Variants in ERBB4 observed in about 807,000 individuals in gnomAD.
ERBB4 encodes receptor tyrosine-protein kinase erbB-4.
ERBB4 carries 42 observed loss-of-function variants against 158.0 expected under a neutral mutation model. The observed-to-expected ratio is 0.27, with a 90% CI of 0.21 to 0.34. The LOEUF is 0.34. Among genes scored for constraint, ERBB4 ranks in the 10% least tolerant of loss-of-function variants. ERBB4 has a pLI of 1.00. For synonymous variants in ERBB4, 583 were observed against 558.7 expected (o/e 1.04, Z -0.61); for missense variants, 1,333 against 1,624.1 (o/e 0.82, Z 3.08).
chr2:211,494,209 C>T (rs2065413916), intron 20 of ERBB4, among the ~76,000 whole-genome samples: 3 of 152,040 alleles, frequency 2.0e-5, no homozygotes, highest in Admixed American at 6.6e-5. Context: ...CACCATATTG[C>T]CCAGGATGGT....
intron 1 of ERBB4, among the ~76,000 whole-genome samples, chr2:212,462,997 A>T (rs781416512): frequency 4.6e-5 from 7 of 152,164 alleles, no homozygotes; most frequent in Non-Finnish European, 1.0e-4. Context: ...TAAATAAGCT[A>T]GGCACACACA....
intron 1 of ERBB4, among the ~76,000 whole-genome samples, chr2:212,296,111 T>C (rs2086401510): frequency 6.6e-6 from 1 of 151,988 alleles, no homozygotes; most frequent in South Asian, 2.1e-4. Flanking sequence ...CATTGAGCAT[T>C]CGATAGGTGA....
chr2:212,270,467 G>C (rs933520481), intron 1 of ERBB4, among the ~76,000 whole-genome samples: 1 of 151,490 alleles, frequency 6.6e-6, no homozygotes, highest in Non-Finnish European at 1.5e-5. Flanking sequence ...TCCTCCCATC[G>C]TTTATTTTCT....
intron 20 of ERBB4, among the ~76,000 whole-genome samples, chr2:211,524,663 T>G (rs1049252713): frequency 6.8e-6 from 1 of 147,592 alleles, no homozygotes; most frequent in Non-Finnish European, 1.5e-5. Context: ...GGCCGCCGGC[T>G]GCTCCGAGTG....
intron 1 of ERBB4, among the ~76,000 whole-genome samples, chr2:212,482,380 T>G (rs1482378): frequency 0.17 from 26,588 of 152,108 alleles, 4,503 homozygotes; most frequent in African/African-American, 0.45. Context: ...ATGTGGTATA[T>G]CAATCAGCCA....
chr2:211,424,787 ACT>A (rs66848364), intron 22 of ERBB4, among the ~76,000 whole-genome samples: 1 of 151,962 alleles, frequency 6.6e-6, no homozygotes, highest in African/African-American at 2.4e-5. Flanking sequence ...AAGAATTGTG[ACT>A]CTCTCTAACT....
intron 21 of ERBB4, among the ~76,000 whole-genome samples, chr2:211,428,852 G>C (rs1266866782): frequency 2.0e-5 from 3 of 151,926 alleles, no homozygotes; most frequent in African/African-American, 7.3e-5. Flanking sequence ...GAGTAGCCGG[G>C]ACCACAGGGG....
intron 4 of ERBB4, chr2:211,779,224 T>C (rs1190509590): frequency 6.6e-6 from 1 of 152,190 alleles, no homozygotes; most frequent in Admixed American, 6.5e-5. Flanking sequence ...GGCGGTAACA[T>C]CAAATGATTT....
chr2:211,539,537 G>A (rs1262119125), intron 20 of ERBB4, among the ~76,000 whole-genome samples: 1 of 151,774 alleles, frequency 6.6e-6, no homozygotes, highest in East Asian at 1.9e-4. Flanking sequence ...CTCCTATTCT[G>A]CATTTTTAAA....
chr2:211,940,215 G>A (rs1015368443), intron 3 of ERBB4, among the ~76,000 whole-genome samples: 2 of 151,986 alleles, frequency 1.3e-5, no homozygotes, highest in Admixed American at 1.3e-4. Context: ...CTGGGGTAAG[G>A]GTGGAGAGGT....
intron 1 of ERBB4, among the ~76,000 whole-genome samples, chr2:212,335,697 C>T (rs1274146731): frequency 1.3e-5 from 2 of 151,956 alleles, no homozygotes; most frequent in Non-Finnish European, 2.9e-5. Context: ...TTAGTCATGG[C>T]ACTGTGAGCC....
intron 12 of ERBB4, among the ~76,000 whole-genome samples, chr2:211,683,115 T>G (rs1325577200): frequency 1.4e-5 from 2 of 144,982 alleles, no homozygotes; most frequent in Non-Finnish European, 2.9e-5. Context: ...TTTAATATTT[T>G]ATTCTGAAAT....
At chr2:212,414,579 T>C (rs1043871430) in intron 1 of ERBB4, among the ~76,000 whole-genome samples, 3 of 152,206 alleles carry the variant, frequency 2.0e-5, no homozygotes, top group African/African-American at 7.2e-5. Context: ...CTTAGTATTT[T>C]AAGCTAAATT....
At chr2:211,810,659 T>C (rs1236928326) in intron 3 of ERBB4, among the ~76,000 whole-genome samples, 2 of 125,734 alleles carry the variant, frequency 1.6e-5, no homozygotes, top group Non-Finnish European at 3.2e-5. Flanking sequence ...TGCCAGTCTC[T>C]GTCTTTTTTT....
At chr2:211,815,481 AAAGTT>A (rs1482489489) in intron 3 of ERBB4, among the ~76,000 whole-genome samples, 2 of 152,226 alleles carry the variant, frequency 1.3e-5, no homozygotes, top group African/African-American at 4.8e-5. Flanking sequence ...GATTGTCAAA[AAAGTT>A]AAGAAATGAT....
intron 4 of ERBB4, among the ~76,000 whole-genome samples, chr2:211,774,087 T>TTTTC (rs2075811618): frequency 6.6e-6 from 1 of 151,414 alleles, no homozygotes; most frequent in South Asian, 2.1e-4. Flanking sequence ...TTTTTTTTTT[T>TTTTC]CTTGAGATGG....
intron 20 of ERBB4, among the ~76,000 whole-genome samples, chr2:211,449,876 T>C (rs1171088845): frequency 1.3e-5 from 2 of 152,196 alleles, no homozygotes; most frequent in African/African-American, 2.4e-5. Context: ...CATTCAAGTG[T>C]TTATTGAGAA....
At chr2:212,513,119 T>C (rs1331216865) in intron 1 of ERBB4, among the ~76,000 whole-genome samples, 1 of 152,228 alleles carries the variant, frequency 6.6e-6, no homozygotes, top group East Asian at 1.9e-4. Context: ...GAGTAACTTT[T>C]GCTTACCATT....
In ERBB4 at chr2:212,505,669, G is replaced by A. The variant is rs1452508823; in HGVS notation, c.82+32780C>T. Among the ~76,000 whole-genome samples, 3 of 148,760 alleles carry A rather than the reference G, an allele frequency of 2.0e-5. 1 individual carries two copies. Among genetic ancestry groups the A allele is most frequent in the Non-Finnish European group, 3.0e-5 (2 of 65,986 alleles). On this transcript the variant is annotated intron_variant, in intron 1 of 27. Transcript: ENST00000342788. ...TGTCTCCTACAGGGACAAACAGCAG[G>A]CTTGTTTGATTGCTGTAAAAGTAGG...
Sources: allele counts gnomAD v4.1 joint callset (sites outside exome capture counted in the v4.1 genomes callset), GRCh38; gene constraint gnomAD v4.1.1; transcripts MANE v1.5; gene names NCBI Gene and HGNC (gene_info 2026-07-23, HGNC 2026-07-21).